UMODL1: variants seen among roughly 807,000 people sequenced by gnomAD.
The protein encoded by UMODL1 is uromodulin like 1.
In UMODL1, 128 loss-of-function variants were observed where a neutral mutation model predicts 136.3. The observed-to-expected ratio is 0.94, with a 90% CI of 0.81 to 1.09. The LOEUF (loss-of-function observed/expected upper bound fraction) is 1.09, where lower values mean the gene tolerates loss of function less well. UMODL1 is among the 50% of genes least tolerant of loss of function. The pLI is 0.00. For missense variants in UMODL1, 1,766 were observed against 1,725.6 expected (o/e 1.02, Z -0.41); for synonymous variants, 721 against 720.0 (o/e 1.00, Z -0.02).
At chr21:42,081,457 T>C (rs1371025601) in intron 2 of UMODL1, among the ~76,000 whole-genome samples, 1 of 152,208 alleles carries the variant, frequency 6.6e-6, no homozygotes, top group South Asian at 2.1e-4. Context: ...TTCTACCAAG[T>C]TGGACTTGTT....
chr21:42,085,736 G>T lies in UMODL1; in HGVS notation c.603+324G>T, dbSNP rs936133604. Among the ~76,000 whole-genome samples, 2 of 152,152 alleles carry T rather than the reference G, an allele frequency of 1.3e-5. No homozygotes were observed. Among genetic ancestry groups the T allele is most frequent in the Non-Finnish European group, 1.5e-5 (1 of 68,010 alleles). The stretch of plus-strand genomic sequence containing the variant: ...TGCAGTCCCAGCAAAGACAGCCTAA[G>T]CCCCGAGCTCTTCCCTCACCACCCT... On this transcript the variant is annotated intron_variant, in intron 4 of 22. Transcript: ENST00000408910. The surrounding 1 kb of genome is among the most constrained non-coding windows in gnomAD (Gnocchi z 4.5).
chr21:42,119,905 A>G (rs1240951666), intron 15 of UMODL1, among the ~76,000 whole-genome samples: 3 of 152,260 alleles, frequency 2.0e-5, no homozygotes, highest in Admixed American at 2.0e-4. Context: ...GACTGCATGC[A>G]GAGATAAATC....
intron 22 of UMODL1, among the ~76,000 whole-genome samples, chr21:42,141,373 G>A (rs1475004658): frequency 6.6e-6 from 1 of 152,200 alleles, no homozygotes; most frequent in Non-Finnish European, 1.5e-5. Flanking sequence ...GTATTCTGGG[G>A]TCTCAGGACC....
intron 9 of UMODL1, among the ~76,000 whole-genome samples, chr21:42,106,262 C>A (rs920402785): frequency 1.3e-5 from 2 of 152,206 alleles, no homozygotes; most frequent in Non-Finnish European, 2.9e-5. Context: ...GGGGGACATC[C>A]ACCCCCGCTG....
chr21:42,084,352 C>T lies in UMODL1; in HGVS notation c.481+107C>T, dbSNP rs543671681. The T allele has an allele frequency of 8.6e-6, 11 of 1,284,304 alleles. No homozygotes were observed. The African/African-American group carries it at 9.0e-5, about 11-fold the overall frequency. The allele number at this position is 1,284,304 out of a possible 1,614,324, so 79.6% of individuals were successfully genotyped here. A position where few individuals can be genotyped will look rare whatever the true frequency, so the allele number is the denominator to read the frequency against. ...GGAGTGTGTTTCTAGGAGCAGTGACCGATTTCATCAGGAGCCCCCACCGTG... is the reference window on the plus strand; with the variant it reads ...GGAGTGTGTTTCTAGGAGCAGTGACTGATTTCATCAGGAGCCCCCACCGTG... On this transcript the variant is annotated intron_variant, in intron 3 of 22. Coordinates refer to ENST00000408910, the MANE Select transcript of UMODL1 (RefSeq NM_001004416.3).
chr21:42,065,827 C>T (rs558015014), intron 1 of UMODL1, among the ~76,000 whole-genome samples: 7 of 152,266 alleles, frequency 4.6e-5, no homozygotes, highest in African/African-American at 1.7e-4. Context: ...CCACTGCACT[C>T]AGCCTGCACC....
rs757920797 is a variant in UMODL1 at position 42,111,597 on chromosome 21, C to T, written c.1991C>T (p.Thr664Ile). 3 of 1,614,168 alleles carry T rather than the reference C, an allele frequency of 1.9e-6. No individual in the cohort carries two copies. The highest frequency in any genetic ancestry group is 1.1e-5 in the South Asian group (1 of 91,088). ...TTCCTGTGGCATGCCACCCGTTCCACCCGGGAAACACTTCTGAATCCCACG... is the reference window on the plus strand; with the variant it reads ...TTCCTGTGGCATGCCACCCGTTCCATCCGGGAAACACTTCTGAATCCCACG... ...GHFLWHATRS[T>I]RETLLNPTWL... is the part of the protein sequence containing the mutation. Residue 664 changes from threonine (T) to isoleucine (I), a missense_variant, in exon 12 of 23, where the codon ACC (threonine) becomes ATC (isoleucine). Transcript: ENST00000408910.
chr21:42,106,508 CG>C (rs1177453676), intron 9 of UMODL1, among the ~76,000 whole-genome samples: 1 of 152,192 alleles, frequency 6.6e-6, no homozygotes, highest in Admixed American at 6.5e-5. Flanking sequence ...GCTGTTCGCC[CG>C]TGGAGGGGTC....
In UMODL1 at chr21:42,110,917, G is replaced by A. The variant is rs201933783; in HGVS notation, c.1695G>A (p.Ala565=). The A allele has an allele frequency of 1.8e-4, 295 of 1,612,018 alleles. No individual in the cohort carries two copies. Among genetic ancestry groups the A allele is most frequent in the Non-Finnish European group, 2.3e-4 (277 of 1,179,570 alleles). ...LVSPMGGGLS[A]ATGVTVPGLG... ...GCCCCATGGGCGGTGGACTGTCTGCGGCAACAGGGGTAACGGTCCCAGGTC... is the reference window on the plus strand; with the variant it reads ...GCCCCATGGGCGGTGGACTGTCTGCAGCAACAGGGGTAACGGTCCCAGGTC... The change falls in exon 11 of 23, where the codon GCG becomes GCA. Residue 565 remains alanine, a synonymous_variant. Transcript: ENST00000408910.
chr21:42,086,317 A>T (rs1178705774), intron 4 of UMODL1, among the ~76,000 whole-genome samples: 1 of 152,084 alleles, frequency 6.6e-6, no homozygotes, highest in African/African-American at 2.4e-5. Flanking sequence ...TGTGCTTCAG[A>T]TCTTTTGTGT....
chr21:42,118,828 T>A (rs1245317332), intron 14 of UMODL1, among the ~76,000 whole-genome samples: 1 of 152,130 alleles, frequency 6.6e-6, no homozygotes, highest in Admixed American at 6.5e-5. Flanking sequence ...TCTCTGCCTG[T>A]GCCCCCAAGT....
chr21:42,138,871 G>C lies in UMODL1; in HGVS notation c.*21+1230G>C, dbSNP rs577680779. On this transcript the variant is annotated intron_variant, in intron 22 of 22. Coordinates refer to ENST00000408910, the MANE Select transcript of UMODL1 (RefSeq NM_001004416.3). The stretch of plus-strand genomic sequence containing the variant: ...ATTACAGGCGTGAGCCACCGTGCCC[G>C]GCCAAATTTTGAGATTTTTCTAAAA... Among the ~76,000 whole-genome samples the C allele has an allele frequency of 5.3e-5, 8 of 152,152 alleles. No individual in the cohort carries two copies. In the East Asian group the frequency reaches 1.2e-3, roughly 22 times the overall value.
chr21:42,102,132 A>C, intron 7 of UMODL1, 34 bp from the exon 8 acceptor site: 1 of 1,528,038 alleles, frequency 6.5e-7, no homozygotes, highest in Non-Finnish European at 9.0e-7. Context: ...GTGACTTTTG[A>C]CCACAGGCTA....
rs150673594 is a variant in UMODL1, at chr21:42,091,743, A to G, written c.931+1305A>G. 7.9e-5 allele frequency among the ~76,000 whole-genome samples: 12 copies of G among 152,350 alleles called. 1 individual carries two copies. Among genetic ancestry groups the G allele is most frequent in the Middle Eastern group, 3.4e-3 (1 of 294 alleles). The stretch of plus-strand genomic sequence containing the variant: ...GTTGTTATTATTGTCAATAATAGTT[A>G]TAGCTGAGATGGAGTGAGTGGCGGT... On this transcript the variant is annotated intron_variant, in intron 6 of 22. Transcript: ENST00000408910.
rs220130 is a variant in UMODL1 at position 42,111,698 on chromosome 21, A to C, written c.2092A>C (p.Thr698Pro). 319,156 of 1,606,718 alleles carry C rather than the reference A, an allele frequency of 0.2. 32,154 individuals are homozygous for C. The highest frequency in any genetic ancestry group is 0.24 in the Middle Eastern group (1,467 of 6,042). Residue 698 changes from threonine (T) to proline (P), a missense_variant, in exon 12 of 23, where the codon ACC (threonine) becomes CCC (proline). Transcript: ENST00000408910. ...PLTSTLTALK[T>P]PACVPVSIGR... ...GACCTCCACCCTCACAGCTCTGAAGACCCCCGCCTGTGGTGAGTTCCTCGA... is the reference window on the plus strand; with the variant it reads ...GACCTCCACCCTCACAGCTCTGAAGCCCCCCGCCTGTGGTGAGTTCCTCGA...
intron 21 of UMODL1, among the ~76,000 whole-genome samples, chr21:42,133,591 A>G (rs1239469037): frequency 2.0e-5 from 3 of 152,202 alleles, no homozygotes; most frequent in Non-Finnish European, 4.4e-5. Context: ...TGGAGGCCAG[A>G]AGTCCAAAAT....
intron 14 of UMODL1, 150 bp downstream of exon 14, chr21:42,116,135 G>C: frequency 1.2e-5 from 3 of 251,778 alleles, no homozygotes; most frequent in Non-Finnish European, 7.1e-6. Context: ...AGGAGTTCAA[G>C]ACCAGCCTGG....
chr21:42,079,050 C>T (rs184688974), intron 2 of UMODL1, among the ~76,000 whole-genome samples: 1 of 152,314 alleles, frequency 6.6e-6, no homozygotes, highest in Admixed American at 6.5e-5. Flanking sequence ...GCAGTCAGGA[C>T]ATGCCCTATC....
intron 12 of UMODL1, among the ~76,000 whole-genome samples, 159 bp from the exon 13 acceptor site, chr21:42,113,414 G>T (rs2066862068): frequency 6.6e-6 from 1 of 152,220 alleles, no homozygotes; most frequent in Non-Finnish European, 1.5e-5. Context: ...GGCTTGGGAG[G>T]TTTGTACAGG....
Sources: gnomAD v4.1 joint callset for allele counts (sites outside exome capture counted in the v4.1 genomes callset) on GRCh38, gnomAD v4.1.1 for gene constraint, Gnocchi (gnomAD v3.1) non-coding constraint, MANE v1.5 for transcripts, NCBI Gene and HGNC (gene_info 2026-07-23, HGNC 2026-07-21) for gene names.